The following PSD3 variants were observed in gnomAD, a reference collection of about 807,000 sequenced individuals.
PSD3 encodes the protein PH and SEC7 domain-containing protein 3.
A neutral mutation model predicts 105.5 loss-of-function variants in PSD3; 49 were observed. That is an observed-to-expected ratio of 0.46 (90% CI 0.37 to 0.59). The LOEUF is 0.59. PSD3 is among the 20% of genes least tolerant of loss of function. The pLI, the probability that PSD3 is intolerant of heterozygous loss-of-function variation, is 0.00. For synonymous variants in PSD3, 557 were observed against 457.8 expected (o/e 1.22, Z -2.77); for missense variants, 1,561 against 1,263.8 (o/e 1.24, Z -3.57).
At chr8:18,937,895 C>T (rs538540596) in intron 1 of PSD3, among the ~76,000 whole-genome samples, 1 of 151,944 alleles carries the variant, frequency 6.6e-6, no homozygotes, top group Non-Finnish European at 1.5e-5. Flanking sequence ...GGAAGGTCAG[C>T]GACATATTGG....
chr8:18,635,814 C>T (rs1290345250), intron 10 of PSD3, among the ~76,000 whole-genome samples: 1 of 138,962 alleles, frequency 7.2e-6, no homozygotes, highest in Non-Finnish European at 1.5e-5. Flanking sequence ...TGTTCTCACT[C>T]ATAAGTGAAA....
intron 4 of PSD3, among the ~76,000 whole-genome samples, chr8:18,829,173 C>A (rs1813471983): frequency 6.6e-6 from 1 of 152,132 alleles, no homozygotes; most frequent in Non-Finnish European, 1.5e-5. Context: ...ACTGAAGGCA[C>A]AGGCTGTAGT....
chr8:18,926,180 A>G (rs1032992604), intron 2 of PSD3, among the ~76,000 whole-genome samples: 5 of 151,998 alleles, frequency 3.3e-5, no homozygotes, highest in Non-Finnish European at 7.4e-5. Context: ...TCTTAGAAGA[A>G]TATACATTCA....
At chr8:18,787,373 C>G (rs1185949691) in intron 8 of PSD3, among the ~76,000 whole-genome samples, 1 of 151,982 alleles carries the variant, frequency 6.6e-6, no homozygotes, top group East Asian at 1.9e-4. Flanking sequence ...ACCTTGAAAT[C>G]AATATATTTT....
rs1056781689 is a variant in PSD3, at chr8:18,655,781, G to C, written c.2173-96C>G. The C allele has an allele frequency of 2.5e-6, 3 of 1,179,034 alleles. No individual in the cohort carries two copies. In the South Asian group the frequency reaches 3.8e-5, roughly 15 times the overall value. 73.0% of individuals were successfully genotyped at this position (1,179,034 alleles called of 1,614,324 possible). On this transcript the variant is annotated intron_variant, in intron 9 of 15. Coordinates refer to ENST00000327040, the MANE Select transcript of PSD3 (RefSeq NM_015310.4). The stretch of plus-strand genomic sequence containing the variant: ...CAAGTAATTCCTTCATAAAAGGATA[G>C]GCACGAAGCCCCCCTTGTCAGTCAC...
rs201302043 is a variant in PSD3, at chr8:18,936,096, C to G, written c.68G>C (p.Ser23Thr). The G allele has an allele frequency of 3.1e-6, 5 of 1,613,432 alleles. No homozygotes were observed. The African/African-American group carries it at 5.3e-5, about 17-fold the overall frequency. ...AAATTCATATTTGGCCTTGGCAACA[C>G]TCTGGGAATGTGCAGATGCATTGTT... is the stretch of plus-strand genomic sequence containing the variant. Reference protein sequence around the residue: ...WVNNASAHSQSVAKAKYEFLF... With the variant: ...WVNNASAHSQTVAKAKYEFLF... The change falls in exon 2 of 16, where the codon AGT becomes ACT. Residue 23 changes from serine (S) to threonine (T), a missense_variant. Ser to Thr is a moderately conservative substitution (Grantham distance 58). Transcript: ENST00000327040.
intron 13 of PSD3, among the ~76,000 whole-genome samples, chr8:18,573,229 G>C (rs1010972769): frequency 2.0e-5 from 3 of 152,160 alleles, no homozygotes; most frequent in African/African-American, 7.2e-5. Context: ...CAGCACTTTG[G>C]GAAGCCGAGG....
intron 12 of PSD3, among the ~76,000 whole-genome samples, chr8:18,582,302 G>C (rs141995134): frequency 6.6e-6 from 1 of 152,158 alleles, no homozygotes; most frequent in Non-Finnish European, 1.5e-5. Context: ...TTTCCTACTT[G>C]CTGAATTGAC....
At chr8:18,564,111 C>CT (rs11360174) in intron 14 of PSD3, among the ~76,000 whole-genome samples, 10,080 of 148,328 alleles carry the variant, frequency 0.068, 452 homozygotes, top group African/African-American at 0.14. Context: ...TTTTCTTCTT[C>CT]TTTTTTTTTT....
At chr8:18,984,670 C>CA (rs746257879) in intron 1 of PSD3, among the ~76,000 whole-genome samples, 5 of 152,128 alleles carry the variant, frequency 3.3e-5, no homozygotes, top group Non-Finnish European at 5.9e-5. Context: ...ATTGTAGCTA[C>CA]AAAAATGTTG....
At chr8:18,973,396 G>A (rs529148742) in intron 1 of PSD3, among the ~76,000 whole-genome samples, 27 of 152,316 alleles carry the variant, frequency 1.8e-4, no homozygotes, top group Non-Finnish European at 3.1e-4. Context: ...TGCCATCTGG[G>A]TTGGATTCTG....
intron 14 of PSD3, among the ~76,000 whole-genome samples, chr8:18,557,752 C>T (rs1323144896): frequency 1.3e-5 from 2 of 152,178 alleles, no homozygotes; most frequent in African/African-American, 2.4e-5. Context: ...TCTACATCTC[C>T]AAACCTATTA....
At chr8:18,949,335 T>C (rs1387298221) in intron 1 of PSD3, among the ~76,000 whole-genome samples, 1 of 141,820 alleles carries the variant, frequency 7.1e-6, no homozygotes, top group Non-Finnish European at 1.5e-5. Flanking sequence ...ATTAAATCAA[T>C]GTTATTTTCT....
At chr8:18,625,545 C>A (rs1806416583) in intron 11 of PSD3, among the ~76,000 whole-genome samples, 1 of 152,278 alleles carries the variant, frequency 6.6e-6, no homozygotes, top group South Asian at 2.1e-4. Flanking sequence ...GCTTCACTGT[C>A]CCTAGCTTGA....
chr8:18,954,085 A>G (rs1823406848), intron 1 of PSD3, among the ~76,000 whole-genome samples: 1 of 152,274 alleles, frequency 6.6e-6, no homozygotes, highest in African/African-American at 2.4e-5. Context: ...TTTAATGTAT[A>G]CACTTGCTCC....
At chr8:18,796,018 A>G (rs937688675) in intron 8 of PSD3, among the ~76,000 whole-genome samples, 1 of 152,264 alleles carries the variant, frequency 6.6e-6, no homozygotes, top group Non-Finnish European at 1.5e-5. Context: ...AAATAAAACA[A>G]ATTATATAGC....
chr8:18,828,031 T>C (rs1222496088), intron 4 of PSD3, among the ~76,000 whole-genome samples: 3 of 140,052 alleles, frequency 2.1e-5, no homozygotes, highest in Non-Finnish European at 3.0e-5. Flanking sequence ...CATATACATA[T>C]ATATAATATA....
rs142157563 is a variant in PSD3 at position 18,801,311 on chromosome 8, T to C, written c.1982A>G (p.Asn661Ser). The change falls in exon 7 of 16, where the codon AAT (asparagine) becomes AGT (serine). Residue 661 changes from asparagine to serine, a missense_variant. Coordinates refer to ENST00000327040, the MANE Select transcript of PSD3 (RefSeq NM_015310.4). ...ATCTGGGTTACAATAAAAATATCTA[T>C]TGGAGAAGTGTATTAAAACTCTCTC... is the stretch of plus-strand genomic sequence containing the variant. ...ERERVLIHFS[N>S]RYFYCNPDTI... 3.0e-4 allele frequency: 487 copies of C among 1,606,734 alleles called. No individual in the cohort carries two copies. Among genetic ancestry groups the C allele is most frequent in the Middle Eastern group, 2.1e-3 (12 of 5,852 alleles).
chr8:18,734,669 T>G lies in PSD3; in HGVS notation c.2172+30780A>C, dbSNP rs574210047. 2.0e-5 allele frequency among the ~76,000 whole-genome samples: 3 copies of G among 152,312 alleles called. No homozygotes were observed. The East Asian group carries it at 5.8e-4, about 29-fold the overall frequency. On this transcript the variant is annotated intron_variant, in intron 9 of 15. Coordinates refer to ENST00000327040, the MANE Select transcript of PSD3 (RefSeq NM_015310.4). Reference sequence around the variant, plus strand: ...CATGAGGAGACCTAAAAGCAATGAATGTACAGTGTTGGCTACTGTTTTCTA... The same window carrying G: ...CATGAGGAGACCTAAAAGCAATGAAGGTACAGTGTTGGCTACTGTTTTCTA...
Sources: gnomAD v4.1 joint callset for allele counts (sites outside exome capture counted in the v4.1 genomes callset) on GRCh38, gnomAD v4.1.1 for gene constraint, MANE v1.5 for transcripts, NCBI Gene and HGNC (gene_info 2026-07-23, HGNC 2026-07-21) for gene names.